GABRG3: variants seen among roughly 807,000 people sequenced by gnomAD.
GABRG3 encodes the protein gamma-aminobutyric acid type A receptor subunit gamma3, also known as gamma-aminobutyric acid receptor subunit gamma-3.
GABRG3 carries 25 observed loss-of-function variants against 48.8 expected under a neutral mutation model. That is an observed-to-expected ratio of 0.51 (90% CI 0.37 to 0.72). The LOEUF (loss-of-function observed/expected upper bound fraction) is 0.72. GABRG3 is among the 30% of genes least tolerant of loss of function. GABRG3 has a pLI of 0.00. For synonymous variants in GABRG3, 227 were observed against 217.6 expected (o/e 1.04, Z -0.38); for missense variants, 394 against 577.9 (o/e 0.68, Z 3.26).
chr15:27,049,843 A>T (rs1355961065), intron 3 of GABRG3, among the ~76,000 whole-genome samples: 1 of 152,204 alleles, frequency 6.6e-6, no homozygotes, highest in Non-Finnish European at 1.5e-5. Flanking sequence ...GAAAGGTCAT[A>T]TCCACCTGTG....
chr15:27,452,862 A>G (rs188503251), intron 5 of GABRG3, among the ~76,000 whole-genome samples: 15 of 152,346 alleles, frequency 9.8e-5, no homozygotes, highest in African/African-American at 3.4e-4. Context: ...TTGCAGCAGC[A>G]TTATTCACAA....
rs543796567 is a variant in GABRG3, at chr15:26,974,385, G to A, written c.54-2617G>A. On this transcript the variant is annotated intron_variant, in intron 1 of 9. Transcript: ENST00000615808. The surrounding 1 kb of genome is among the most constrained non-coding windows in gnomAD (Gnocchi z 4.3). ...AGTAATTTTTAAAAACTAAGGCTGC[G>A]TATATAGAGAATGATGAAAAGCTGG... Among the ~76,000 whole-genome samples the A allele has an allele frequency of 2.0e-5, 3 of 152,234 alleles. No individual in the cohort carries two copies. The highest frequency in any genetic ancestry group is 2.1e-4 in the South Asian group (1 of 4,824).
In GABRG3 at chr15:27,180,633, ATGTGTGTGTCTGTC is replaced by A. The variant is rs1174397890; in HGVS notation, c.271-146166_271-146153del. Among the ~76,000 whole-genome samples the A allele has an allele frequency of 1.4e-5, 2 of 145,666 alleles. No homozygotes were observed. The highest frequency in any genetic ancestry group is 2.5e-5 in the African/African-American group (1 of 40,540). ...CTAAGGTGAACTTACACATTGTGCC[ATGTGTGTGTCTGTC>A]TGTGTGTGTTTGTGTGTGCACGCGC... On this transcript the variant is annotated intron_variant, in intron 3 of 9. Coordinates refer to ENST00000615808, the MANE Select transcript of GABRG3 (RefSeq NM_033223.5). This position sits in a 1 kb window ranked among gnomAD's most constrained non-coding sequence, Gnocchi z 4.2.
intron 3 of GABRG3, among the ~76,000 whole-genome samples, chr15:27,194,405 T>A (rs28886271): frequency 0.056 from 8,470 of 152,296 alleles, 397 homozygotes; most frequent in East Asian, 0.16. Context: ...TGTCATGTCC[T>A]TTCAGTTTAG....
intron 5 of GABRG3, among the ~76,000 whole-genome samples, chr15:27,438,644 G>C (rs2140629974): frequency 6.6e-6 from 1 of 152,298 alleles, no homozygotes; most frequent in East Asian, 1.9e-4. Flanking sequence ...CCCGCCTCCT[G>C]CTCCTCCGGG....
At chr15:27,360,582 A>G (rs987279326) in intron 5 of GABRG3, among the ~76,000 whole-genome samples, 6 of 152,136 alleles carry the variant, frequency 3.9e-5, no homozygotes, top group Admixed American at 3.9e-4. Flanking sequence ...GCATTCCCCA[A>G]TCCGAGATGG....
intron 5 of GABRG3, among the ~76,000 whole-genome samples, chr15:27,357,760 G>T (rs774501183): frequency 6.6e-6 from 1 of 152,194 alleles, no homozygotes; most frequent in Non-Finnish European, 1.5e-5. Context: ...AATGGATGGT[G>T]ATTTTATTAG....
chr15:27,263,757 C>A (rs1327590714), intron 3 of GABRG3, among the ~76,000 whole-genome samples: 1 of 151,880 alleles, frequency 6.6e-6, no homozygotes, highest in South Asian at 2.1e-4. Context: ...GTTTAGACAA[C>A]CACCGGACGG....
rs570159604 is a variant in GABRG3 at position 27,464,794 on chromosome 15, TA to T, written c.575-15853del. On this transcript the variant is annotated intron_variant, in intron 5 of 9. Coordinates refer to ENST00000615808, the MANE Select transcript of GABRG3 (RefSeq NM_033223.5). Reference sequence around the variant, plus strand: ...TCTATTTAAATTCTTTGCCCATTTTTAAATGGACTATTTGTCTTTGTATTGT... The same window carrying T: ...TCTATTTAAATTCTTTGCCCATTTTTAATGGACTATTTGTCTTTGTATTGT... 2.0e-4 allele frequency among the ~76,000 whole-genome samples: 30 copies of T among 152,362 alleles called. No individual in the cohort carries two copies. In the East Asian group the frequency reaches 5.0e-3, roughly 25 times the overall value.
chr15:27,507,629 G>T (rs1176418538), intron 6 of GABRG3, among the ~76,000 whole-genome samples: 1 of 152,124 alleles, frequency 6.6e-6, no homozygotes, highest in East Asian at 1.9e-4. Context: ...TATGTATTCT[G>T]CTGTTTTGTT....
At chr15:27,302,765 A>T (rs1309925230) in intron 3 of GABRG3, among the ~76,000 whole-genome samples, 1 of 152,048 alleles carries the variant, frequency 6.6e-6, no homozygotes, top group Non-Finnish European at 1.5e-5. Context: ...ATTTGGAATT[A>T]TTCAGAGTAT....
chr15:27,329,984 G>C (rs902077728), intron 5 of GABRG3, among the ~76,000 whole-genome samples: 1 of 152,190 alleles, frequency 6.6e-6, no homozygotes, highest in Admixed American at 6.5e-5. Context: ...GCTCACGCCT[G>C]TAATCCCAGC....
chr15:27,329,838 T>A (rs1487911702), intron 5 of GABRG3, among the ~76,000 whole-genome samples: 1 of 152,208 alleles, frequency 6.6e-6, no homozygotes, highest in Admixed American at 6.5e-5. Flanking sequence ...AAAATCAAAA[T>A]GGAAAGATAT....
At chr15:27,085,384 T>G (rs1348907163) in intron 3 of GABRG3, among the ~76,000 whole-genome samples, 3 of 152,200 alleles carry the variant, frequency 2.0e-5, no homozygotes, top group Admixed American at 1.3e-4. Context: ...TGTCTTCAGC[T>G]TTTCTCCAAA....
chr15:27,265,882 G>GTTTTTTTTTTT lies in GABRG3; in HGVS notation c.271-60922_271-60912dup, dbSNP rs57522857. ...GCAAGGTCAAGAAGATTTTCTCCTG[G>GTTTTTTTTTTT]TTTTTTTTTTTTTTTGAGAGTGACC... On this transcript the variant is annotated intron_variant, in intron 3 of 9. Coordinates refer to ENST00000615808, the MANE Select transcript of GABRG3 (RefSeq NM_033223.5). Among the ~76,000 whole-genome samples, 30 of 127,582 alleles carry GTTTTTTTTTTT rather than the reference G, an allele frequency of 2.4e-4. 2 individuals are homozygous for GTTTTTTTTTTT. The highest frequency in any genetic ancestry group is 7.8e-4 in the African/African-American group (23 of 29,450). The allele number at this position is 127,582 out of a possible 152,430, so 83.7% of individuals were successfully genotyped here.
intron 3 of GABRG3, among the ~76,000 whole-genome samples, chr15:27,044,574 G>A (rs1896331367): frequency 6.6e-6 from 1 of 152,156 alleles, no homozygotes; most frequent in South Asian, 2.1e-4. Flanking sequence ...AATACATAAT[G>A]ATAAAGTACA....
intron 3 of GABRG3, among the ~76,000 whole-genome samples, chr15:27,176,392 C>T (rs1887746879): frequency 6.6e-6 from 1 of 152,140 alleles, no homozygotes; most frequent in African/African-American, 2.4e-5. Flanking sequence ...ATTTTCTGAA[C>T]CAGTGTTTAC....
chr15:27,064,312 G>C (rs1227112990), intron 3 of GABRG3, among the ~76,000 whole-genome samples: 1 of 152,192 alleles, frequency 6.6e-6, no homozygotes, highest in African/African-American at 2.4e-5. Flanking sequence ...ATCGGGTCTT[G>C]ACCATCAGGT....
chr15:27,081,813 A>C (rs945394805), intron 3 of GABRG3, among the ~76,000 whole-genome samples: 1 of 152,228 alleles, frequency 6.6e-6, no homozygotes, highest in Non-Finnish European at 1.5e-5. Context: ...GCAGATGCTC[A>C]TGCTTTTCCC....
Sources: allele counts gnomAD v4.1 joint callset (sites outside exome capture counted in the v4.1 genomes callset), GRCh38; gene constraint gnomAD v4.1.1; non-coding constraint Gnocchi (gnomAD v3.1); transcripts MANE v1.5; gene names NCBI Gene and HGNC (gene_info 2026-07-23, HGNC 2026-07-21).